Variants in GRHL2 observed in about 807,000 individuals in gnomAD.
GRHL2 encodes grainyhead like transcription factor 2.
GRHL2 carries 21 observed loss-of-function variants against 83.8 expected under a neutral mutation model. That is an observed-to-expected ratio of 0.25 (90% confidence interval 0.18 to 0.36). The LOEUF (loss-of-function observed/expected upper bound fraction) is 0.36, where lower values mean the gene tolerates loss of function less well. GRHL2 is among the 10% of genes least tolerant of loss of function. GRHL2 has a pLI of 1.00. For synonymous variants in GRHL2, 280 were observed against 278.9 expected (o/e 1.00, Z -0.04); for missense variants, 623 against 781.8 (o/e 0.80, Z 2.42).
intron 8 of GRHL2, among the ~76,000 whole-genome samples, chr8:101,605,570 C>T (rs1171307304): frequency 6.6e-6 from 1 of 152,210 alleles, no homozygotes; most frequent in East Asian, 1.9e-4. Flanking sequence ...CTGCCCTGTC[C>T]TCACGCCACA....
At chr8:101,671,740 T>G (rs1161671788), downstream of GRHL2, among the ~76,000 whole-genome samples, 1 of 152,202 alleles carries the variant, frequency 6.6e-6, no homozygotes, top group Non-Finnish European at 1.5e-5. Flanking sequence ...GACTGCCTCC[T>G]CAAGCGGGTC....
intron 7 of GRHL2, among the ~76,000 whole-genome samples, chr8:101,592,576 T>C (rs755418316): frequency 2.6e-5 from 4 of 152,226 alleles, no homozygotes; most frequent in Non-Finnish European, 4.4e-5. Context: ...GAAATGCAAA[T>C]TCTTGGCCAC....
Position 101,578,070 on chromosome 8 carries a change from C to T in GRHL2, c.1003+551C>T, listed in dbSNP as rs147393888. Among the ~76,000 whole-genome samples the T allele has an allele frequency of 3.3e-3, 496 of 152,240 alleles. 7 individuals carry two copies. The highest frequency in any genetic ancestry group is 0.028 in the Admixed American group (422 of 15,292). ...TCTGTGTACCCCTAAACTTGAGGTC[C>T]GTTCTGTAGAGACCAGCAGCCCCCT... On this transcript the variant is annotated intron_variant, in intron 7 of 15. Coordinates refer to ENST00000646743, the MANE Select transcript of GRHL2 (RefSeq NM_024915.4).
At chr8:101,546,459 G>A (rs1305484049) in intron 2 of GRHL2, among the ~76,000 whole-genome samples, 1 of 151,168 alleles carries the variant, frequency 6.6e-6, no homozygotes, top group Non-Finnish European at 1.5e-5. Context: ...GCCCAGGCTG[G>A]AGTGCAGTGG....
At position 101,558,455 on chromosome 8, in the gene GRHL2, G is replaced by C. The variant is rs749425038; in HGVS notation, c.321G>C (p.Leu107Phe). Residue 107 changes from leucine to phenylalanine, a missense_variant, in exon 4 of 16, where the codon TTG becomes TTC. Transcript: ENST00000646743. Reference protein sequence around the residue: ...CLGTSEAQSNLSGGENRVQVL... With the variant: ...CLGTSEAQSNFSGGENRVQVL... The stretch of plus-strand genomic sequence containing the variant: ...GCACCAGTGAAGCCCAGAGTAATTT[G>C]AGTGGAGGAGAAAACCGAGTGCAAG... 1.2e-6 allele frequency: 2 copies of C among 1,614,050 alleles called. No homozygotes were observed. Among genetic ancestry groups the C allele is most frequent in the Non-Finnish European group, 1.7e-6 (2 of 1,180,038 alleles).
intron 14 of GRHL2, among the ~76,000 whole-genome samples, chr8:101,664,180 C>T (rs1813990459): frequency 2.0e-5 from 3 of 152,118 alleles, no homozygotes; most frequent in African/African-American, 4.8e-5. Context: ...CTATTTCATC[C>T]AACATCATAG....
intron 7 of GRHL2, among the ~76,000 whole-genome samples, chr8:101,588,266 T>C (rs1812208253): frequency 6.6e-6 from 1 of 152,174 alleles, no homozygotes; most frequent in Admixed American, 6.5e-5. Context: ...ACATACAGTC[T>C]GGGGTCAGCA....
intron 2 of GRHL2, among the ~76,000 whole-genome samples, chr8:101,545,726 T>C (rs1023898135): frequency 6.6e-6 from 1 of 152,076 alleles, no homozygotes; most frequent in African/African-American, 2.4e-5. Flanking sequence ...GTCTCATCCT[T>C]AGAAAGAAAT....
chr8:101,653,913 G>T (rs1314037570), intron 14 of GRHL2, among the ~76,000 whole-genome samples: 1 of 152,150 alleles, frequency 6.6e-6, no homozygotes, highest in Non-Finnish European at 1.5e-5. Flanking sequence ...CGGGGAACTG[G>T]TATTAGAGTC....
chr8:101,613,536 G>T (rs1364172934), intron 8 of GRHL2, among the ~76,000 whole-genome samples: 1 of 150,686 alleles, frequency 6.6e-6, no homozygotes, highest in African/African-American at 2.5e-5. Flanking sequence ...AAAATAGATG[G>T]TTACCCAAAG....
At chr8:101,598,977 C>T (rs573577629) in intron 7 of GRHL2, 80 bp from the exon 8 acceptor site, 14 of 939,996 alleles carry the variant, frequency 1.5e-5, no homozygotes, top group African/African-American at 1.3e-4. Context: ...TAAATTTACC[C>T]ATTGGAAAAT....
At chr8:101,528,228 T>G (rs1228861888) in intron 1 of GRHL2, among the ~76,000 whole-genome samples, 2 of 152,204 alleles carry the variant, frequency 1.3e-5, no homozygotes, top group Non-Finnish European at 2.9e-5. Flanking sequence ...CTTATGATTT[T>G]TTGTTTGTTT....
chr8:101,535,625 G>A (rs1426866805), intron 1 of GRHL2, among the ~76,000 whole-genome samples: 3 of 151,926 alleles, frequency 2.0e-5, no homozygotes, highest in Admixed American at 6.6e-5. Flanking sequence ...TACAGCCTCC[G>A]CCTCCCAGGT....
chr8:101,562,141 CTT>C, intron 4 of GRHL2: 1 of 629,544 alleles, frequency 1.6e-6, no homozygotes, highest in South Asian at 1.4e-5. Context: ...TTTTGTAGCT[CTT>C]TATTTTTCTT....
chr8:101,610,412 G>A (rs1187105220), intron 8 of GRHL2, among the ~76,000 whole-genome samples: 2 of 150,648 alleles, frequency 1.3e-5, no homozygotes, highest in East Asian at 1.9e-4. Flanking sequence ...GGGGGACCCT[G>A]GGAATGCTAA....
intron 15 of GRHL2, among the ~76,000 whole-genome samples, chr8:101,666,011 T>C (rs537783554): frequency 6.6e-6 from 1 of 152,362 alleles, no homozygotes; most frequent in Admixed American, 6.5e-5. Context: ...CTCAGCCATG[T>C]GCTAACTGAA....
At chr8:101,661,896 C>A (rs984824386) in intron 14 of GRHL2, among the ~76,000 whole-genome samples, 5 of 152,102 alleles carry the variant, frequency 3.3e-5, no homozygotes, top group Admixed American at 6.5e-5. Flanking sequence ...AGGTAACTTG[C>A]TATTTCTGTC....
At chr8:101,651,919 G>C (rs1183149847) in intron 14 of GRHL2, among the ~76,000 whole-genome samples, 1 of 152,194 alleles carries the variant, frequency 6.6e-6, no homozygotes, top group Non-Finnish European at 1.5e-5. Context: ...TGGGAAAGCT[G>C]TGCAAGAGAA....
At position 101,662,485 on chromosome 8, in the gene GRHL2, G is replaced by C. The variant is rs75504808; in HGVS notation, c.1699-1969G>C. ...GAGTGAACTCTTCTTAGGATCCAAA[G>C]CTCCTCCAGCTCTGCTCTAGACCTC... is the stretch of plus-strand genomic sequence containing the variant. On this transcript the variant is annotated intron_variant, in intron 14 of 15. Coordinates refer to ENST00000646743, the MANE Select transcript of GRHL2 (RefSeq NM_024915.4). Among the ~76,000 whole-genome samples, 577 of 152,282 alleles carry C rather than the reference G, an allele frequency of 3.8e-3. 9 individuals are homozygous for C. The East Asian group carries it at 0.057, about 15-fold the overall frequency.
Sources: allele counts gnomAD v4.1 joint callset (sites outside exome capture counted in the v4.1 genomes callset), GRCh38; gene constraint gnomAD v4.1.1; transcripts MANE v1.5; gene names NCBI Gene and HGNC (gene_info 2026-07-23, HGNC 2026-07-21).